Variants in SFXN2 observed in about 807,000 individuals in gnomAD.
SFXN2 encodes the protein sideroflexin-2.
A neutral mutation model predicts 41.9 loss-of-function variants in SFXN2; 37 were observed. The ratio of observed to expected loss-of-function variants is 0.88; its 90% confidence interval spans 0.68 to 1.16. The LOEUF (loss-of-function observed/expected upper bound fraction) is 1.16. Among genes scored for constraint, SFXN2 ranks in the 50% most tolerant of loss-of-function variants. The probability of loss-of-function intolerance (pLI) is 0.00; values close to 1 mark genes in which losing one functional copy is unlikely to be tolerated. For missense variants in SFXN2, 386 were observed against 425.2 expected (o/e 0.91, Z 0.81); for synonymous variants, 150 against 156.7 (o/e 0.96, Z 0.32).
At chr10:102,721,306 G>C (rs996765395) in intron 1 of SFXN2, among the ~76,000 whole-genome samples, 3 of 151,830 alleles carry the variant, frequency 2.0e-5, no homozygotes, top group Admixed American at 6.6e-5. Flanking sequence ...CTTGAGCCCA[G>C]GAGTTTGAGA....
At chr10:102,729,212 G>A in intron 4 of SFXN2, 107 bp from the exon 5 acceptor site, 2 of 973,436 alleles carry the variant, frequency 2.1e-6, no homozygotes, top group Non-Finnish European at 3.2e-6. Context: ...CAGATCCTGT[G>A]CGGTTTTCAC....
In SFXN2 at chr10:102,726,684, C is replaced by T. The variant is rs2064598741; in HGVS notation, c.48C>T (p.Asp16=). The T allele has an allele frequency of 6.2e-7, 1 of 1,614,078 alleles. No individual in the cohort carries two copies. The highest frequency in any genetic ancestry group is 1.7e-5 in the Admixed American group (1 of 60,000). ...SGFNIDAPRW[D]QRTFLGRVKH... is the part of the protein sequence containing the mutation. ...TTAACATCGATGCCCCCCGTTGGGA[C>T]CAGCGCACCTTCCTGGGGAGAGTGA... is the stretch of plus-strand genomic sequence containing the variant. Residue 16 remains aspartate, a synonymous_variant, in exon 2 of 12, where the codon GAC becomes GAT. Coordinates refer to ENST00000369893, the MANE Select transcript of SFXN2 (RefSeq NM_178858.6).
In SFXN2 at chr10:102,728,481, C is replaced by T. The variant is rs1326528000; in HGVS notation, c.383C>T (p.Ala128Val). 6.2e-7 allele frequency: 1 copy of T among 1,613,938 alleles called. No homozygotes were observed. Among genetic ancestry groups the T allele is most frequent in the Admixed American group, 1.7e-5 (1 of 60,010 alleles). ...CAGTGGGTGAACCAGTCCTTCAATG[C>T]CTTAGTCAACTACACCAACAGGAAT... ...FWQWVNQSFNALVNYTNRNAA... is the reference protein window; with the variant it reads ...FWQWVNQSFNVLVNYTNRNAA... Residue 128 changes from alanine (A) to valine (V), a missense_variant, in exon 4 of 12, where the codon GCC becomes GTC. By Grantham distance (64) the Ala-to-Val change is moderately conservative (BLOSUM62 0). Coordinates refer to ENST00000369893, the MANE Select transcript of SFXN2 (RefSeq NM_178858.6).
intron 1 of SFXN2, among the ~76,000 whole-genome samples, chr10:102,724,048 AT>A (rs1788379871): frequency 6.6e-6 from 1 of 151,962 alleles, no homozygotes; most frequent in African/African-American, 2.4e-5. Context: ...TGTTCTTATC[AT>A]TTAGCTCCCA....
At chr10:102,731,834 C>T (rs377455582) in intron 7 of SFXN2, 51 bp downstream of exon 7, 1 of 1,519,844 alleles carries the variant, frequency 6.6e-7, no homozygotes, top group Non-Finnish European at 9.1e-7. Flanking sequence ...CCTCTCATAC[C>T]CTGTCCCCTC....
intron 3 of SFXN2, among the ~76,000 whole-genome samples, 166 bp downstream of exon 3, chr10:102,727,323 C>T (rs531981866): frequency 2.6e-5 from 4 of 152,254 alleles, no homozygotes; most frequent in African/African-American, 9.6e-5. Context: ...TCGCAACAAC[C>T]CTACACTATA....
chr10:102,727,171 G>T lies in SFXN2; in HGVS notation c.332+14G>T. ...CCAGTTCTACAGGTGGGACCTGGGG[G>T]CAGGGCCGTGGGAGGTACAGCTGCC... On this transcript the variant is annotated intron_variant, in intron 3 of 11. Coordinates refer to ENST00000369893, the MANE Select transcript of SFXN2 (RefSeq NM_178858.6). 6.3e-7 allele frequency: 1 copy of T among 1,587,972 alleles called. No homozygotes were observed. The highest frequency in any genetic ancestry group is 8.6e-7 in the Non-Finnish European group (1 of 1,158,358).
In SFXN2 at chr10:102,730,892, C is replaced by T. The variant is rs145697906; in HGVS notation, c.594-831C>T. On this transcript the variant is annotated intron_variant, in intron 6 of 11. Transcript: ENST00000369893. ...CACGAGGTCAGGAGATCGAGACCAT[C>T]CTGGCTAACACGGTGAAACCCCGTC... Among the ~76,000 whole-genome samples the T allele has an allele frequency of 8.7e-3, 1,328 of 152,232 alleles. 9 individuals are homozygous for T. Among genetic ancestry groups the T allele is most frequent in the Non-Finnish European group, 0.013 (855 of 67,992 alleles).
chr10:102,732,774 C>G, intron 8 of SFXN2, 85 bp from the exon 9 acceptor site: 2 of 1,402,340 alleles, frequency 1.4e-6, no homozygotes, highest in African/African-American at 1.4e-5. Flanking sequence ...GGAGAGGGAA[C>G]CACTTGGTTC....
At chr10:102,728,775 G>A (rs1400013455) in intron 4 of SFXN2, among the ~76,000 whole-genome samples, 2 of 152,126 alleles carry the variant, frequency 1.3e-5, no homozygotes, top group Admixed American at 6.5e-5. Context: ...ATGTGCTGGG[G>A]ATGTGCATGG....
intron 1 of SFXN2, among the ~76,000 whole-genome samples, chr10:102,718,909 T>C (rs1230693672): frequency 1.4e-5 from 2 of 147,220 alleles, no homozygotes; most frequent in East Asian, 3.9e-4. Flanking sequence ...GGCTTCCTTT[T>C]CTCGGCTTCT....
chr10:102,729,886 C>G (rs1260145008), intron 6 of SFXN2, 78 bp downstream of exon 6: 16 of 1,499,866 alleles, frequency 1.1e-5, no homozygotes, highest in Non-Finnish European at 1.5e-5. Flanking sequence ...CAGTGGGTGG[C>G]TTCTGGGGAC....
rs1383519500 is a variant in SFXN2 at position 102,741,545 on chromosome 10, C to T, written c.*3783C>T. ...CAGAATCCTAAAGGTTTCCTGACTA[C>T]AGGTACATGCCACCATGCCCAGCTA... is the stretch of plus-strand genomic sequence containing the variant. On this transcript the variant is annotated 3_prime_UTR_variant, in exon 12 of 12. Coordinates refer to ENST00000369893, the MANE Select transcript of SFXN2 (RefSeq NM_178858.6). The T allele has an allele frequency of 6.6e-6, 1 of 152,256 alleles. No individual in the cohort carries two copies. Among genetic ancestry groups the T allele is most frequent in the Non-Finnish European group, 1.5e-5 (1 of 68,066 alleles). The allele number at this position is 152,256 out of a possible 1,614,324, so 9.4% of individuals were successfully genotyped here.
intron 1 of SFXN2, among the ~76,000 whole-genome samples, chr10:102,716,911 G>C (rs1318586329): frequency 6.6e-6 from 1 of 151,970 alleles, no homozygotes; most frequent in African/African-American, 2.4e-5. Context: ...GGACCTTGGG[G>C]AAGTAAGGCC....
chr10:102,732,180 T>C lies in SFXN2; in HGVS notation c.683T>C (p.Val228Ala), dbSNP rs749347165. 1.2e-6 allele frequency: 2 copies of C among 1,614,028 alleles called. No individual in the cohort carries two copies. The highest frequency in any genetic ancestry group is 3.3e-5 in the Admixed American group (2 of 59,992). ...RRAAAIGITQ[V>A]VISRITMSAP... ...GCTGCGGCCATAGGCATCACCCAAG[T>C]AGTTATTTCTCGGATCACCATGTCA... Residue 228 changes from valine to alanine, a missense_variant, in exon 8 of 12, where the codon GTA becomes GCA. By Grantham distance (64) the Val-to-Ala change is moderately conservative. Transcript: ENST00000369893.
At chr10:102,732,012 T>G in intron 7 of SFXN2, 140 bp from the exon 8 acceptor site, 1 of 843,184 alleles carries the variant, frequency 1.2e-6, no homozygotes, top group Non-Finnish European at 1.9e-6. Context: ...GGGGATAAAG[T>G]GAGGTCACTC....
chr10:102,725,002 G>T (rs1233619256), intron 1 of SFXN2: 3 of 151,792 alleles, frequency 2.0e-5, no homozygotes, highest in African/African-American at 7.3e-5. Context: ...GAGGGGTGAG[G>T]TTTTGTTTAT....
In SFXN2 at chr10:102,728,486, G is replaced by T. The variant is rs758485685; in HGVS notation, c.388G>T (p.Val130Phe). ...GGTGAACCAGTCCTTCAATGCCTTA[G>T]TCAACTACACCAACAGGAATGCGGC... The part of the protein sequence containing the change: ...QWVNQSFNAL[V>F]NYTNRNAASP... The change falls in exon 4 of 12, where the codon GTC becomes TTC. Residue 130 changes from valine (V) to phenylalanine (F), a missense_variant. Val to Phe is a conservative substitution (Grantham distance 50). Transcript: ENST00000369893. The T allele has an allele frequency of 6.2e-7, 1 of 1,613,852 alleles. No homozygotes were observed. Among genetic ancestry groups the T allele is most frequent in the Non-Finnish European group, 8.5e-7 (1 of 1,179,898 alleles).
intron 1 of SFXN2, among the ~76,000 whole-genome samples, chr10:102,723,864 G>A (rs575075816): frequency 4.6e-5 from 7 of 152,210 alleles, no homozygotes; most frequent in African/African-American, 9.6e-5. Context: ...AGGGGTACAC[G>A]TGCAGGTTTG....
Sources: gnomAD v4.1 joint callset for allele counts (sites outside exome capture counted in the v4.1 genomes callset) on GRCh38, gnomAD v4.1.1 for gene constraint, MANE v1.5 for transcripts, NCBI Gene and HGNC (gene_info 2026-07-23, HGNC 2026-07-21) for gene names.